The following GRM7 variants were observed in gnomAD, a reference collection of about 807,000 sequenced individuals.
The protein encoded by GRM7 is glutamate metabotropic receptor 7, also known as metabotropic glutamate receptor 7.
Under a neutral mutation model 84.5 loss-of-function variants are expected in GRM7, and 35 were observed. That is an observed-to-expected ratio of 0.41 (90% CI 0.32 to 0.55). The LOEUF (loss-of-function observed/expected upper bound fraction) is 0.55. Ranked by LOEUF, GRM7 falls within the 20% of genes least tolerant of loss-of-function variation. GRM7 has a pLI of 0.19. For synonymous variants in GRM7, 487 were observed against 455.1 expected, an observed-to-expected ratio of 1.07 and a Z score of -0.89; for missense variants, 1,003 against 1,194.6, an observed-to-expected ratio of 0.84 and a Z score of 2.36.
chr3:6,953,033 T>C (rs1371030015), intron 1 of GRM7, among the ~76,000 whole-genome samples: 3 of 152,204 alleles, frequency 2.0e-5, no homozygotes, highest in African/African-American at 4.8e-5. Flanking sequence ...CAATATGAGC[T>C]GGTGTAACAA....
intron 4 of GRM7, among the ~76,000 whole-genome samples, chr3:7,412,963 G>GA (rs1181617185): frequency 6.6e-6 from 1 of 151,314 alleles, no homozygotes; most frequent in Non-Finnish European, 1.5e-5. Context: ...AGAAAGTTTA[G>GA]AAAAAAACCT....
chr3:7,601,788 G>C (rs1696324214), intron 8 of GRM7, among the ~76,000 whole-genome samples: 1 of 152,080 alleles, frequency 6.6e-6, no homozygotes, highest in Non-Finnish European at 1.5e-5. Context: ...TGATAGGAAA[G>C]AGAGACCCTA....
intron 1 of GRM7, among the ~76,000 whole-genome samples, chr3:7,017,275 C>T (rs1464262509): frequency 1.3e-5 from 2 of 151,740 alleles, no homozygotes; most frequent in Non-Finnish European, 1.5e-5. Flanking sequence ...AATTAAGAAC[C>T]AGTCAGACTT....
intron 8 of GRM7, among the ~76,000 whole-genome samples, chr3:7,638,105 C>A (rs999321683): frequency 3.3e-5 from 5 of 152,194 alleles, no homozygotes; most frequent in African/African-American, 1.2e-4. Context: ...CAACAATTAT[C>A]TACTTCTTCT....
intron 1 of GRM7, among the ~76,000 whole-genome samples, chr3:7,031,060 C>G (rs960625193): frequency 1.8e-4 from 27 of 152,266 alleles, no homozygotes; most frequent in African/African-American, 6.0e-4. Context: ...TTCATAAACA[C>G]TATCACATTA....
chr3:7,615,865 T>G (rs954321417), intron 8 of GRM7, among the ~76,000 whole-genome samples: 1 of 152,078 alleles, frequency 6.6e-6, no homozygotes, highest in African/African-American at 2.4e-5. Context: ...GTTTTATGTG[T>G]GTATGAGTGT....
At position 7,416,633 on chromosome 3, in the gene GRM7, AATG is replaced by A. The variant is rs1696171188; in HGVS notation, c.1174+1473_1174+1475del. Reference sequence around the variant, plus strand: ...TATGACCAGAAACATGAATAACAATAATGATATAAAATAAGTATGATGCATATA... The same window carrying A: ...TATGACCAGAAACATGAATAACAATAATATAAAATAAGTATGATGCATATA... On this transcript the variant is annotated intron_variant, in intron 5 of 9. Transcript: ENST00000357716. Among the ~76,000 whole-genome samples the A allele has an allele frequency of 1.3e-5, 2 of 152,140 alleles. 1 individual carries two copies. Among genetic ancestry groups the A allele is most frequent in the Admixed American group, 1.3e-4 (2 of 15,264 alleles).
At position 7,384,709 on chromosome 3, in the gene GRM7, A is replaced by G. The variant is rs192734069; in HGVS notation, c.1034-30314A>G. ...GATCAAGACACGTTTCAGTTGTTCA[A>G]CAGCCACACGGGGCTGGTGGCTATC... On this transcript the variant is annotated intron_variant, in intron 4 of 9. Transcript: ENST00000357716. 1.3e-3 allele frequency among the ~76,000 whole-genome samples: 197 copies of G among 152,280 alleles called. 4 individuals carry two copies. In the South Asian group the frequency reaches 0.026, roughly 20 times the overall value.
intron 7 of GRM7, among the ~76,000 whole-genome samples, chr3:7,546,308 A>G (rs1693146951): frequency 6.6e-6 from 1 of 152,160 alleles, no homozygotes; most frequent in African/African-American, 2.4e-5. Flanking sequence ...CCATCCATCT[A>G]TCCCTCCCTC....
At chr3:7,455,472 C>A (rs1697969281) in intron 6 of GRM7, among the ~76,000 whole-genome samples, 1 of 152,158 alleles carries the variant, frequency 6.6e-6, no homozygotes, top group South Asian at 2.1e-4. Context: ...GACATCATCA[C>A]TTATGAGACT....
chr3:7,100,412 C>G (rs552764178), intron 1 of GRM7, among the ~76,000 whole-genome samples: 1 of 151,626 alleles, frequency 6.6e-6, no homozygotes, highest in South Asian at 2.1e-4. Flanking sequence ...TTTTTTCCTC[C>G]TCAGAAAGAA....
chr3:6,923,783 A>C (rs1291364083), intron 1 of GRM7, among the ~76,000 whole-genome samples: 1 of 150,870 alleles, frequency 6.6e-6, no homozygotes, highest in Non-Finnish European at 1.5e-5. Context: ...TCATTTTGTC[A>C]TGATGTTTCT....
intron 8 of GRM7, among the ~76,000 whole-genome samples, chr3:7,609,681 G>C (rs1032416297): frequency 1.4e-4 from 21 of 152,134 alleles, no homozygotes; most frequent in Non-Finnish European, 2.6e-4. Context: ...TTTGAGGAGA[G>C]GGGACAGTGG....
chr3:7,237,481 G>A (rs1559519012), intron 2 of GRM7, among the ~76,000 whole-genome samples: 1 of 152,110 alleles, frequency 6.6e-6, no homozygotes, highest in Non-Finnish European at 1.5e-5. Context: ...CTTCAAGCAT[G>A]AAGCCGTGGA....
intron 1 of GRM7, among the ~76,000 whole-genome samples, chr3:6,963,913 A>G (rs1466729588): frequency 1.3e-5 from 2 of 152,114 alleles, no homozygotes; most frequent in Non-Finnish European, 2.9e-5. Flanking sequence ...AGTTTTCTCT[A>G]CTTGATAAAA....
At chr3:7,690,359 G>C (rs996903139) in intron 9 of GRM7, among the ~76,000 whole-genome samples, 2 of 151,606 alleles carry the variant, frequency 1.3e-5, no homozygotes, top group Non-Finnish European at 2.9e-5. Flanking sequence ...TAGATGCACG[G>C]GAAACATTTA....
chr3:7,560,734 T>G (rs1182046176), intron 7 of GRM7, among the ~76,000 whole-genome samples: 1 of 152,168 alleles, frequency 6.6e-6, no homozygotes, highest in Non-Finnish European at 1.5e-5. Flanking sequence ...TTTTCACCTT[T>G]CAGATCACAG....
chr3:7,719,035 C>G (rs995293235), intron 9 of GRM7, among the ~76,000 whole-genome samples: 3 of 152,094 alleles, frequency 2.0e-5, no homozygotes, highest in Non-Finnish European at 4.4e-5. Context: ...ACCTCATTCT[C>G]CCAATGAGAT....
chr3:7,570,793 G>T (rs980867609), intron 7 of GRM7, among the ~76,000 whole-genome samples: 1 of 152,164 alleles, frequency 6.6e-6, no homozygotes, highest in Non-Finnish European at 1.5e-5. Flanking sequence ...TTTCCCTTCC[G>T]CACTGCTCTA....
Sources: allele counts gnomAD v4.1 joint callset (sites outside exome capture counted in the v4.1 genomes callset), GRCh38; gene constraint gnomAD v4.1.1; transcripts MANE v1.5; gene names NCBI Gene and HGNC (gene_info 2026-07-23, HGNC 2026-07-21).